Variants in PLA2G15 observed in about 807,000 individuals in gnomAD.
The protein encoded by PLA2G15 is lysosomal phospholipase A and acyltransferase.
In PLA2G15, 20 loss-of-function variants were observed where a neutral mutation model predicts 40.9. The ratio of observed to expected loss-of-function variants is 0.49; its 90% confidence interval spans 0.34 to 0.71. The LOEUF (loss-of-function observed/expected upper bound fraction) is 0.71. Among genes scored for constraint, PLA2G15 ranks in the 30% least tolerant of loss-of-function variants. The probability of loss-of-function intolerance (pLI) is 0.01; values close to 1 mark genes in which losing one functional copy is unlikely to be tolerated. For synonymous variants in PLA2G15, 223 were observed against 228.2 expected (o/e 0.98, Z 0.21); for missense variants, 471 against 541.9 (o/e 0.87, Z 1.30).
In PLA2G15 at chr16:68,259,640, G is replaced by A. The variant is rs764479722; in HGVS notation, c.1222G>A (p.Val408Met). The change falls in exon 6 of 6, where the codon GTG becomes ATG. Residue 408 changes from valine (V) to methionine (M), a missense_variant. Coordinates refer to ENST00000219345, the MANE Select transcript of PLA2G15 (RefSeq NM_012320.4). The surrounding 1 kb of genome is among the most constrained non-coding windows in gnomAD (Gnocchi z 6.5). ...CACCACCCTGGCCTATCTGAAACGT[G>A]TGCTCCTTGGGCCCTGACTCCTGTG... Reference protein sequence around the residue: ...NATTLAYLKRVLLGP With the variant: ...NATTLAYLKRMLLGP The A allele has an allele frequency of 6.2e-7, 1 of 1,612,152 alleles. No individual in the cohort carries two copies. Among genetic ancestry groups the A allele is most frequent in the South Asian group, 1.1e-5 (1 of 91,060 alleles).
chr16:68,247,180 A>AAGC (rs2042316680), intron 1 of PLA2G15, among the ~76,000 whole-genome samples: 2 of 152,104 alleles, frequency 1.3e-5, no homozygotes, highest in Non-Finnish European at 2.9e-5. Flanking sequence ...GCAGTTGGAT[A>AAGC]AGCAGCTCCT....
chr16:68,252,129 C>T (rs1170092460), intron 2 of PLA2G15, among the ~76,000 whole-genome samples: 8 of 152,206 alleles, frequency 5.3e-5, no homozygotes, highest in Non-Finnish European at 1.2e-4. Context: ...TTTCACCCAG[C>T]GCAGAACTGC....
At chr16:68,253,693 T>TTTG (rs1333296851) in intron 2 of PLA2G15, among the ~76,000 whole-genome samples, 9 of 146,460 alleles carry the variant, frequency 6.1e-5, no homozygotes, top group African/African-American at 2.2e-4. Flanking sequence ...TTTGTTTTGT[T>TTTG]TTTTTTTTTT....
At chr16:68,254,346 TATTTA>T (rs979150879) in intron 2 of PLA2G15, 27 of 150,092 alleles carry the variant, frequency 1.8e-4, no homozygotes, top group African/African-American at 6.3e-4. Context: ...TTTATTTATT[TATTTA>T]TTTTTTTGAG....
intron 2 of PLA2G15, 154 bp from the exon 3 acceptor site, chr16:68,254,765 T>C (rs2042386783): frequency 4.6e-6 from 3 of 651,450 alleles, no homozygotes; most frequent in Non-Finnish European, 8.3e-6. Flanking sequence ...GATCTGTGCT[T>C]TATCAACCTG....
chr16:68,253,407 G>C, intron 2 of PLA2G15: 1 of 435,256 alleles, frequency 2.3e-6, no homozygotes, highest in Non-Finnish European at 4.6e-6. Flanking sequence ...ACAGAGTTTC[G>C]CTCTTATTGC....
chr16:68,247,318 G>A (rs2042317664), intron 1 of PLA2G15, among the ~76,000 whole-genome samples: 1 of 152,156 alleles, frequency 6.6e-6, no homozygotes, highest in Admixed American at 6.5e-5. Context: ...AAGGGGAAGG[G>A]ACCATAGGCA....
Position 68,259,257 on chromosome 16 carries a change from A to C in PLA2G15, c.839A>C (p.Lys280Thr). Residue 280 changes from lysine to threonine, a missense_variant, in exon 6 of 6, where the codon AAG (lysine) becomes ACG (threonine). Physicochemically the swap from Lys to Thr is moderately conservative, Grantham distance 78. Coordinates refer to ENST00000219345, the MANE Select transcript of PLA2G15 (RefSeq NM_012320.4). The surrounding 1 kb of genome is among the most constrained non-coding windows in gnomAD (Gnocchi z 6.5). ...TACAACTACACATGGTCACCTGAGA[A>C]GGTGTTCGTGCAGACACCCACAATC... ...LPYNYTWSPE[K>T]VFVQTPTINY... is the part of the protein sequence containing the mutation. 1.9e-6 allele frequency: 3 copies of C among 1,613,996 alleles called. No homozygotes were observed. The highest frequency in any genetic ancestry group is 2.5e-6 in the Non-Finnish European group (3 of 1,180,036).
In PLA2G15 at chr16:68,255,584, T is replaced by C; in HGVS notation, c.503-182T>C. The C allele has an allele frequency of 1.5e-6, 1 of 650,192 alleles. No individual in the cohort carries two copies. The highest frequency in any genetic ancestry group is 1.8e-5 in the African/African-American group (1 of 54,962). 40.3% of individuals were successfully genotyped at this position (650,192 alleles called of 1,614,324 possible). A position where few individuals can be genotyped will look rare whatever the true frequency, so the allele number is the denominator to read the frequency against. On this transcript the variant is annotated intron_variant, in intron 4 of 5. Coordinates refer to ENST00000219345, the MANE Select transcript of PLA2G15 (RefSeq NM_012320.4). The surrounding 1 kb of genome is among the most constrained non-coding windows in gnomAD (Gnocchi z 5.9). ...TCCCACCCTGGGACCTCTGGGCCTG[T>C]GAGCCCTGGGGAGAAATATAAGGCT... is the stretch of plus-strand genomic sequence containing the variant.
Position 68,245,535 on chromosome 16 carries a change from C to A in PLA2G15, c.109C>A (p.His37Asn). Reference protein sequence around the residue: ...LADPALPAGRHPPVVLVPGDL... With the variant: ...LADPALPAGRNPPVVLVPGDL... ...GGACCCAGCGCTCCCGGCCGGACGT[C>A]ACCCCCCAGTGGTGCTGGGTGAGGC... Residue 37 changes from histidine (H) to asparagine (N), a missense_variant, in exon 1 of 6, where the codon CAC (histidine) becomes AAC (asparagine). By Grantham distance (68) the His-to-Asn change is moderately conservative (BLOSUM62 1). Transcript: ENST00000219345. 1 of 1,587,486 alleles carries A rather than the reference C, an allele frequency of 6.3e-7. No individual in the cohort carries two copies. Among genetic ancestry groups the A allele is most frequent in the Non-Finnish European group, 8.5e-7 (1 of 1,172,148 alleles).
intron 1 of PLA2G15, 155 bp downstream of exon 1, chr16:68,245,708 C>T (rs2042303433): frequency 3.3e-6 from 3 of 920,796 alleles, no homozygotes; most frequent in Admixed American, 2.3e-5. Context: ...CGGCTCACCT[C>T]CCGCCATGCT....
chr16:68,259,764 C>T lies in PLA2G15; in HGVS notation c.*107C>T, dbSNP rs2042431159. On this transcript the variant is annotated 3_prime_UTR_variant, in exon 6 of 6. Transcript: ENST00000219345. This position sits in a 1 kb window ranked among gnomAD's most constrained non-coding sequence, Gnocchi z 6.5. ...AAGTTTGTGACTCACCATTCAAGGC[C>T]CCGAGTCTTGGACTGTGAAGCATCT... 3.9e-6 allele frequency: 4 copies of T among 1,035,136 alleles called. No individual in the cohort carries two copies. Among genetic ancestry groups the T allele is most frequent in the Admixed American group, 2.3e-5 (1 of 43,560 alleles). The allele number at this position is 1,035,136 out of a possible 1,614,324, so 64.1% of individuals were successfully genotyped here.
chr16:68,253,508 G>C, intron 2 of PLA2G15: 1 of 425,958 alleles, frequency 2.3e-6, no homozygotes, highest in South Asian at 1.7e-5. Context: ...CCGGATAACT[G>C]GGATTACAGG....
chr16:68,247,859 G>T (rs978108542), intron 1 of PLA2G15, among the ~76,000 whole-genome samples: 9 of 152,244 alleles, frequency 5.9e-5, no homozygotes, highest in Admixed American at 2.6e-4. Context: ...TGTTTGGGAA[G>T]TGGCGAGAGC....
chr16:68,255,584 T>G lies in PLA2G15; in HGVS notation c.503-182T>G, dbSNP rs1441498483. On this transcript the variant is annotated intron_variant, in intron 4 of 5. Transcript: ENST00000219345. The surrounding 1 kb of genome is among the most constrained non-coding windows in gnomAD (Gnocchi z 5.9). The stretch of plus-strand genomic sequence containing the variant: ...TCCCACCCTGGGACCTCTGGGCCTG[T>G]GAGCCCTGGGGAGAAATATAAGGCT... 3 of 650,074 alleles carry G rather than the reference T, an allele frequency of 4.6e-6. No homozygotes were observed. The highest frequency in any genetic ancestry group is 2.8e-5 in the Admixed American group (1 of 35,318). The allele number at this position is 650,074 out of a possible 1,614,324, so 40.3% of individuals were successfully genotyped here. A position where few individuals can be genotyped will look rare whatever the true frequency, so the allele number is the denominator to read the frequency against.
At chr16:68,246,567 C>A (rs1317725203) in intron 1 of PLA2G15, among the ~76,000 whole-genome samples, 1 of 152,162 alleles carries the variant, frequency 6.6e-6, no homozygotes, top group African/African-American at 2.4e-5. Flanking sequence ...GAGTTCCCAG[C>A]CAGGAAAAGC....
intron 1 of PLA2G15, among the ~76,000 whole-genome samples, chr16:68,247,451 C>T (rs551962863): frequency 2.0e-5 from 3 of 152,178 alleles, no homozygotes; most frequent in Non-Finnish European, 2.9e-5. Context: ...TAGTTCCAGG[C>T]GCAGATGGGC....
At chr16:68,257,562 G>C (rs1253142746) in intron 5 of PLA2G15, among the ~76,000 whole-genome samples, 13 of 152,208 alleles carry the variant, frequency 8.5e-5, no homozygotes, top group Admixed American at 8.5e-4. Context: ...CCCTCTGCTA[G>C]GACTTGGGGG....
chr16:68,248,646 CA>C, intron 1 of PLA2G15: 1 of 749,754 alleles, frequency 1.3e-6, no homozygotes, highest in Admixed American at 5.9e-5. Context: ...CTCGGCCTCC[CA>C]AAGTGCTGGG....
Sources: gnomAD v4.1 joint callset for allele counts (sites outside exome capture counted in the v4.1 genomes callset) on GRCh38, gnomAD v4.1.1 for gene constraint, Gnocchi (gnomAD v3.1) non-coding constraint, MANE v1.5 for transcripts, NCBI Gene and HGNC (gene_info 2026-07-23, HGNC 2026-07-21) for gene names.